PSMD14: variants seen among roughly 807,000 people sequenced by gnomAD.
PSMD14 encodes the protein ubiquitin C-terminal hydrolase PSMD14.
Under a neutral mutation model 41.2 loss-of-function variants are expected in PSMD14, and 7 were observed. The observed-to-expected ratio is 0.17, with a 90% CI of 0.10 to 0.32. PSMD14 has a LOEUF of 0.32. PSMD14 is among the 10% of genes least tolerant of loss of function. The pLI is 1.00. For synonymous variants in PSMD14, 114 were observed against 122.3 expected (o/e 0.93, Z 0.45); for missense variants, 139 against 375.6 (o/e 0.37, Z 5.21).
At chr2:161,368,839 A>G (rs1446452279) in intron 5 of PSMD14, among the ~76,000 whole-genome samples, 2 of 151,276 alleles carry the variant, frequency 1.3e-5, no homozygotes, top group East Asian at 1.9e-4. Flanking sequence ...TGTAATATAT[A>G]TAGTATGTAT....
Position 161,318,291 on chromosome 2 carries a change from T to C in PSMD14, c.-4-531T>C, listed in dbSNP as rs1426936120. On this transcript the variant is annotated intron_variant, in intron 2 of 11. Transcript: ENST00000409682. Reference sequence around the variant, plus strand: ...TAATGAGTTCAGTTTTTAAAAGCCTTTGATGCTAATTCAGAGATCCATAAT... The same window carrying C: ...TAATGAGTTCAGTTTTTAAAAGCCTCTGATGCTAATTCAGAGATCCATAAT... Among the ~76,000 whole-genome samples, 3 of 152,164 alleles carry C rather than the reference T, an allele frequency of 2.0e-5. No individual in the cohort carries two copies. The East Asian group carries it at 5.8e-4, about 29-fold the overall frequency.
rs1055545782 is a variant in PSMD14 at position 161,345,742 on chromosome 2, A to AT, written c.49-21729dup. ...AAATTTTGGTCACTGTTTCTTAAAT[A>AT]TTTTTTTCTATTCTCCTACCACCCT... On this transcript the variant is annotated intron_variant, in intron 3 of 11. Coordinates refer to ENST00000409682, the MANE Select transcript of PSMD14 (RefSeq NM_005805.6). 3.3e-5 allele frequency among the ~76,000 whole-genome samples: 5 copies of AT among 151,706 alleles called. 1 individual carries two copies. The highest frequency in any genetic ancestry group is 1.2e-4 in the African/African-American group (5 of 41,264).
At chr2:161,389,863 G>GTGTCTTA (rs1338300668) in intron 8 of PSMD14, among the ~76,000 whole-genome samples, 2 of 57,432 alleles carry the variant, frequency 3.5e-5, no homozygotes, top group Non-Finnish European at 7.6e-5. Context: ...ATTAATATTT[G>GTGTCTTA]TGTCTTATTT....
At chr2:161,401,563 G>A (rs1162863625) in intron 10 of PSMD14, among the ~76,000 whole-genome samples, 1 of 152,220 alleles carries the variant, frequency 6.6e-6, no homozygotes, top group East Asian at 1.9e-4. Context: ...TTAAGAAGGT[G>A]ACTGTCGGAT....
At chr2:161,344,380 T>C (rs1019553240) in intron 3 of PSMD14, among the ~76,000 whole-genome samples, 4 of 152,200 alleles carry the variant, frequency 2.6e-5, no homozygotes, top group Non-Finnish European at 5.9e-5. Flanking sequence ...TGGCTTCTTG[T>C]TGTATCCTCG....
chr2:161,357,823 G>A (rs1042753050), intron 3 of PSMD14, among the ~76,000 whole-genome samples: 8 of 150,988 alleles, frequency 5.3e-5, no homozygotes, highest in Admixed American at 1.3e-4. Flanking sequence ...TGGTGCCTTC[G>A]TTTATTCTAA....
chr2:161,397,842 T>TA (rs1424248688), intron 10 of PSMD14, among the ~76,000 whole-genome samples: 2 of 152,174 alleles, frequency 1.3e-5, no homozygotes. Context: ...AAATATTTCT[T>TA]ATCTTTCTAG....
chr2:161,318,722 A>G (rs184506855), intron 2 of PSMD14, 100 bp from the exon 3 acceptor site: 2 of 852,522 alleles, frequency 2.3e-6, no homozygotes, highest in East Asian at 2.6e-5. Flanking sequence ...TACCACCAAT[A>G]TTTTTGACAT....
At chr2:161,308,967 G>A (rs1042829786) in intron 1 of PSMD14, among the ~76,000 whole-genome samples, 10 of 152,216 alleles carry the variant, frequency 6.6e-5, no homozygotes, top group Non-Finnish European at 1.3e-4. Context: ...AAGGGAGAGA[G>A]AGTAGAATTA....
At chr2:161,379,285 G>T (rs1002241656) in intron 7 of PSMD14, among the ~76,000 whole-genome samples, 2 of 151,926 alleles carry the variant, frequency 1.3e-5, no homozygotes, top group Non-Finnish European at 2.9e-5. Context: ...GTCTCTTGTA[G>T]CTTATTAGTA....
At chr2:161,394,987 T>A in intron 9 of PSMD14, 91 bp from the exon 10 acceptor site, 1 of 1,059,440 alleles carries the variant, frequency 9.4e-7, no homozygotes, top group South Asian at 1.8e-5. Context: ...TAAGTCGAAA[T>A]GTTTTTTTTT....
intron 3 of PSMD14, among the ~76,000 whole-genome samples, chr2:161,324,255 A>G (rs973260891): frequency 1.3e-5 from 2 of 152,238 alleles, no homozygotes; most frequent in Non-Finnish European, 1.5e-5. Context: ...AGAGCCTTAC[A>G]TTATAATAGA....
rs1302238281 is a variant in PSMD14, at chr2:161,308,459, T to G, written c.-283T>G. On this transcript the variant is annotated 5_prime_UTR_variant, in exon 1 of 12. Coordinates refer to ENST00000409682, the MANE Select transcript of PSMD14 (RefSeq NM_005805.6). ...GCGGCGGAGGCCCGGGCAACTCTTTTGAATGGAATCGGGCTGATTCATCGC... is the reference window on the plus strand; with the variant it reads ...GCGGCGGAGGCCCGGGCAACTCTTTGGAATGGAATCGGGCTGATTCATCGC... 1 of 152,252 alleles carries G rather than the reference T, an allele frequency of 6.6e-6. No individual in the cohort carries two copies. The highest frequency in any genetic ancestry group is 1.5e-5 in the Non-Finnish European group (1 of 68,062). 9.4% of individuals were successfully genotyped at this position (152,252 alleles called of 1,614,324 possible). A position where few individuals can be genotyped will look rare whatever the true frequency, so the allele number is the denominator to read the frequency against.
chr2:161,367,996 C>T, intron 5 of PSMD14, 93 bp downstream of exon 5: 1 of 1,352,388 alleles, frequency 7.4e-7, no homozygotes, highest in Non-Finnish European at 9.9e-7. Context: ...ATTACATTTT[C>T]TCTTTCCAGT....
chr2:161,389,431 C>A (rs1683676662), intron 8 of PSMD14, among the ~76,000 whole-genome samples: 1 of 152,134 alleles, frequency 6.6e-6, no homozygotes, highest in Non-Finnish European at 1.5e-5. Context: ...AAGCCCTGAT[C>A]ATTTCTACTT....
chr2:161,372,947 G>A (rs1169301432), intron 7 of PSMD14, among the ~76,000 whole-genome samples: 1 of 151,598 alleles, frequency 6.6e-6, no homozygotes, highest in Non-Finnish European at 1.5e-5. Flanking sequence ...ATGTGATGGT[G>A]GCTACTTTGA....
chr2:161,334,862 C>T (rs1264311789), intron 3 of PSMD14, among the ~76,000 whole-genome samples: 1 of 152,244 alleles, frequency 6.6e-6, no homozygotes, highest in Non-Finnish European at 1.5e-5. Context: ...ATCACGCCTG[C>T]CGTTTGATGT....
chr2:161,352,503 A>G (rs925755467), intron 3 of PSMD14, among the ~76,000 whole-genome samples: 1 of 152,184 alleles, frequency 6.6e-6, no homozygotes, highest in African/African-American at 2.4e-5. Flanking sequence ...GTTACAATCA[A>G]GTATTGATTT....
chr2:161,381,862 A>G (rs1683574953), intron 7 of PSMD14: 1 of 151,936 alleles, frequency 6.6e-6, no homozygotes, highest in African/African-American at 2.4e-5. Context: ...TGCAGTTTTT[A>G]TTTTGTATTG....
Sources: gnomAD v4.1 joint callset for allele counts (sites outside exome capture counted in the v4.1 genomes callset) on GRCh38, gnomAD v4.1.1 for gene constraint, MANE v1.5 for transcripts, NCBI Gene and HGNC (gene_info 2026-07-23, HGNC 2026-07-21) for gene names.